HUS1: variants seen among roughly 807,000 people sequenced by gnomAD.
HUS1 encodes HUS1 checkpoint clamp component, also known as checkpoint protein HUS1.
A neutral mutation model predicts 32.6 loss-of-function variants in HUS1; 31 were observed. The ratio of observed to expected loss-of-function variants is 0.95; its 90% CI spans 0.72 to 1.28. The LOEUF (loss-of-function observed/expected upper bound fraction) is 1.28. HUS1 is among the 50% of genes most tolerant of loss of function. The pLI, the probability that HUS1 is intolerant of heterozygous loss-of-function variation, is 0.00. For synonymous variants in HUS1, 123 were observed against 116.6 expected (o/e 1.06, Z -0.36); for missense variants, 340 against 337.7 (o/e 1.01, Z -0.05).
intron 5 of HUS1, among the ~76,000 whole-genome samples, chr7:47,970,968 G>A (rs552564129): frequency 2.0e-5 from 3 of 152,286 alleles, no homozygotes; most frequent in African/African-American, 7.2e-5. Context: ...AATCATTGGA[G>A]AAGTTACAGC....
In HUS1 at chr7:47,963,926, A is replaced by C. The variant is rs1788423035; in HGVS notation, c.*1430T>G. ...GTCTCAAAAAAAAAAACCAAAAAAC[A>C]AACAAAAAACCATTACTAAACATCA... is the stretch of plus-strand genomic sequence containing the variant. On this transcript the variant is annotated 3_prime_UTR_variant, in exon 8 of 8. Transcript: ENST00000258774. The C allele has an allele frequency of 1.3e-5, 2 of 152,036 alleles. No individual in the cohort carries two copies. The highest frequency in any genetic ancestry group is 2.4e-5 in the African/African-American group (1 of 41,406). The allele number at this position is 152,036 out of a possible 1,614,324, so 9.4% of individuals were successfully genotyped here. A position where few individuals can be genotyped will look rare whatever the true frequency, so the allele number is the denominator to read the frequency against.
intron 7 of HUS1, among the ~76,000 whole-genome samples, chr7:47,967,226 G>A (rs1484059664): frequency 6.6e-6 from 1 of 152,196 alleles, no homozygotes; most frequent in East Asian, 1.9e-4. Flanking sequence ...GCTCTTGGCA[G>A]GTAATGCCTT....
At chr7:47,970,164 C>T (rs2686840) in intron 5 of HUS1, among the ~76,000 whole-genome samples, 66,701 of 142,772 alleles carry the variant, frequency 0.47, 15,775 homozygotes, top group East Asian at 0.55. Flanking sequence ...ACCCGGGAGG[C>T]GGAACTTGCA....
chr7:47,978,308 T>C, intron 3 of HUS1, 109 bp downstream of exon 3: 2 of 952,990 alleles, frequency 2.1e-6, no homozygotes, highest in Non-Finnish European at 3.2e-6. Context: ...TAAATTTAAA[T>C]AAACCAAACA....
At chr7:47,978,172 C>G in intron 3 of HUS1, 1 of 407,848 alleles carries the variant, frequency 2.5e-6, no homozygotes, top group Non-Finnish European at 4.4e-6. Flanking sequence ...CTACAAGAAA[C>G]AGAGAGGCTG....
rs145228445 is a variant in HUS1 at position 47,976,214 on chromosome 7, C to T, written c.465+516G>A. ...TAGTAAAAGTCAAGTAATTATTTTA[C>T]CCAGCATATTTCTGTACTTTCTTCT... On this transcript the variant is annotated intron_variant, in intron 4 of 7. Coordinates refer to ENST00000258774, the MANE Select transcript of HUS1 (RefSeq NM_004507.4). The T allele has an allele frequency of 4.6e-3, 1,721 of 377,058 alleles. 16 individuals are homozygous for T. In the Middle Eastern group the frequency reaches 0.056, roughly 12 times the overall value. 23.4% of individuals were successfully genotyped at this position (377,058 alleles called of 1,614,324 possible).
intron 5 of HUS1, among the ~76,000 whole-genome samples, chr7:47,970,047 C>A (rs994958502): frequency 1.3e-5 from 2 of 151,714 alleles, no homozygotes; most frequent in African/African-American, 4.8e-5. Context: ...TCCTGGCTAA[C>A]ACGGTGAAAC....
chr7:47,979,566 A>C lies in HUS1; in HGVS notation c.-47T>G. ...GGCGGGCCTCTGTGGGTAACAGAAA[A>C]GCGTCGCGCCCTGAGTGTCCCCGCC... On this transcript the variant is annotated 5_prime_UTR_variant, in exon 1 of 8. Transcript: ENST00000258774. The C allele has an allele frequency of 1.3e-6, 2 of 1,493,196 alleles. No individual in the cohort carries two copies. The highest frequency in any genetic ancestry group is 1.9e-6 in the Non-Finnish European group (2 of 1,076,278). The allele number at this position is 1,493,196 out of a possible 1,614,324, so 92.5% of individuals were successfully genotyped here.
rs3176611 is a variant in HUS1, at chr7:47,964,917, C to CA, written c.*438dup. The CA allele has an allele frequency of 0.47, 73,341 of 157,686 alleles. 17,696 individuals carry two copies. The highest frequency in any genetic ancestry group is 0.53 in the East Asian group (2,877 of 5,418). The allele number at this position is 157,686 out of a possible 1,614,324, so 9.8% of individuals were successfully genotyped here. The stretch of plus-strand genomic sequence containing the variant: ...GTCACTGGGCTCCAAGGGGCAGGAG[C>CA]AGCGGGGTGAACACACTGAAATGCA... On this transcript the variant is annotated 3_prime_UTR_variant, in exon 8 of 8. Coordinates refer to ENST00000258774, the MANE Select transcript of HUS1 (RefSeq NM_004507.4).
At position 47,976,806 on chromosome 7, in the gene HUS1, G is replaced by C. The variant is rs778515951; in HGVS notation, c.389C>G (p.Thr130Ser). ...LSMSSSSRIV[T>S]HDIPIKVIPR... ...AATCACCTTTATGGGGATGTCATGGGTCACAATGCGGCTACTGCTTGACAT... is the reference window on the plus strand; with the variant it reads ...AATCACCTTTATGGGGATGTCATGGCTCACAATGCGGCTACTGCTTGACAT... Residue 130 changes from threonine (T) to serine (S), a missense_variant, in exon 4 of 8, where the codon ACC (threonine) becomes AGC (serine). Thr to Ser is a moderately conservative substitution (Grantham distance 58, BLOSUM62 1). Coordinates refer to ENST00000258774, the MANE Select transcript of HUS1 (RefSeq NM_004507.4). 6.2e-7 allele frequency: 1 copy of C among 1,612,966 alleles called. No individual in the cohort carries two copies. Among genetic ancestry groups the C allele is most frequent in the South Asian group, 1.1e-5 (1 of 91,040 alleles).
chr7:47,979,052 A>C (rs1339544193), intron 1 of HUS1, among the ~76,000 whole-genome samples: 1 of 152,104 alleles, frequency 6.6e-6, no homozygotes, highest in Non-Finnish European at 1.5e-5. Flanking sequence ...GGCACCTACC[A>C]GTCATTCATT....
At chr7:47,968,228 A>G (rs1372032576) in intron 6 of HUS1, among the ~76,000 whole-genome samples, 1 of 152,140 alleles carries the variant, frequency 6.6e-6, no homozygotes, top group African/African-American at 2.4e-5. Flanking sequence ...GAGTGAAAAT[A>G]TATACATTAA....
At chr7:47,971,650 C>G in intron 5 of HUS1, 2 of 437,764 alleles carry the variant, frequency 4.6e-6, no homozygotes, top group South Asian at 3.3e-5. Flanking sequence ...TTGATATCTG[C>G]CCAATGTTAA....
At chr7:47,968,884 T>C (rs1788535597) in intron 6 of HUS1, 1 of 179,694 alleles carries the variant, frequency 5.6e-6, no homozygotes, top group Non-Finnish European at 1.1e-5. Flanking sequence ...TCTGAATCCA[T>C]GCCAGGTGAG....
intron 3 of HUS1, among the ~76,000 whole-genome samples, chr7:47,977,513 G>C (rs1788729855): frequency 6.6e-6 from 1 of 152,140 alleles, no homozygotes; most frequent in Admixed American, 6.5e-5. Context: ...TTAAGCAATA[G>C]AAAAAACATA....
rs3176561 is a variant in HUS1 at position 47,971,424 on chromosome 7, G to A, written c.541-2106C>T. The A allele has an allele frequency of 3.2e-3, 1,473 of 455,966 alleles. 26 individuals carry two copies. The highest frequency in any genetic ancestry group is 0.026 in the African/African-American group (1,284 of 50,080). 28.2% of individuals were successfully genotyped at this position (455,966 alleles called of 1,614,324 possible). A position where few individuals can be genotyped will look rare whatever the true frequency, so the allele number is the denominator to read the frequency against. On this transcript the variant is annotated intron_variant, in intron 5 of 7. Coordinates refer to ENST00000258774, the MANE Select transcript of HUS1 (RefSeq NM_004507.4). The stretch of plus-strand genomic sequence containing the variant: ...TCTTCTACTCCTGCTCTTGCTGCCC[G>A]GGGACTGTCTCCACAGGTCACAAGG...
Position 47,978,464 on chromosome 7 carries a change from T to A in HUS1, c.310A>T (p.Lys104Ter). The A allele has an allele frequency of 1.2e-6, 2 of 1,614,282 alleles. No individual in the cohort carries two copies. Among genetic ancestry groups the A allele is most frequent in the Non-Finnish European group, 1.7e-6 (2 of 1,180,056 alleles). ...TAQNARALKIKLTNKHFPCLT... is the reference protein window; with the variant it reads ...TAQNARALKI ...CAGGGAAAGTGTTTATTAGTCAGTT[T>A]GATTTTCAAAGCCCTGGCATTCTGG... Residue 104 changes from lysine to a stop codon, truncating the protein, a stop_gained, in exon 3 of 8, where the codon AAA becomes TAA. Coordinates refer to ENST00000258774, the MANE Select transcript of HUS1 (RefSeq NM_004507.4). LOFTEE classifies it high-confidence loss of function.
intron 4 of HUS1, 168 bp downstream of exon 4, chr7:47,976,562 G>T: frequency 3.1e-6 from 2 of 635,116 alleles, no homozygotes; most frequent in Admixed American, 2.3e-5. Context: ...TCTATCATAT[G>T]CAACATTTTT....
Position 47,979,482 on chromosome 7 carries a change from A to C in HUS1, c.38T>G (p.Leu13Arg), listed in dbSNP as rs1395968010. Reference protein sequence around the residue: ...FRAKIVDGACLNHFTRISNMI... With the variant: ...FRAKIVDGACRNHFTRISNMI... ...TCCCTGCTCACGTGTGAAGTGGTTCAGACAGGCCCCGTCCACGATCTTGGC... is the reference window on the plus strand; with the variant it reads ...TCCCTGCTCACGTGTGAAGTGGTTCCGACAGGCCCCGTCCACGATCTTGGC... Residue 13 changes from leucine (L) to arginine (R), a missense_variant, in exon 1 of 8, where the codon CTG becomes CGG. Leu to Arg is a moderately radical substitution (Grantham distance 102, BLOSUM62 -2). Coordinates refer to ENST00000258774, the MANE Select transcript of HUS1 (RefSeq NM_004507.4). The C allele has an allele frequency of 5.6e-6, 9 of 1,613,222 alleles. No homozygotes were observed. Among genetic ancestry groups the C allele is most frequent in the East Asian group, 4.5e-5 (2 of 44,880 alleles).
Sources: gnomAD v4.1 joint callset for allele counts (sites outside exome capture counted in the v4.1 genomes callset) on GRCh38, gnomAD v4.1.1 for gene constraint, MANE v1.5 for transcripts, NCBI Gene and HGNC (gene_info 2026-07-23, HGNC 2026-07-21) for gene names.